Variants in CHST9 observed in about 807,000 individuals in gnomAD.
CHST9 encodes GalNAc-4-sulfotransferase 2.
In CHST9, 41 loss-of-function variants were observed where a neutral mutation model predicts 44.4. The observed-to-expected ratio is 0.92, with a 90% CI of 0.72 to 1.20. The LOEUF (loss-of-function observed/expected upper bound fraction) is 1.20. CHST9 is among the 50% of genes most tolerant of loss of function. The pLI is 0.00. For synonymous variants in CHST9, 171 were observed against 178.4 expected, an observed-to-expected ratio of 0.96 and a Z score of 0.33; for missense variants, 504 against 516.5, an observed-to-expected ratio of 0.98 and a Z score of 0.23.
At chr18:26,965,611 G>A (rs572045551) in intron 4 of CHST9, among the ~76,000 whole-genome samples, 3 of 152,292 alleles carry the variant, frequency 2.0e-5, no homozygotes, top group South Asian at 2.1e-4. Context: ...GCAAATCAGA[G>A]AGATGTGATA....
At chr18:27,029,673 C>T (rs77809570) in intron 3 of CHST9, among the ~76,000 whole-genome samples, 1 of 152,112 alleles carries the variant, frequency 6.6e-6, no homozygotes, top group African/African-American at 2.4e-5. Flanking sequence ...TTTATAACAC[C>T]TAATACAATA....
chr18:27,181,890 C>A (rs2058915285), intron 1 of CHST9, among the ~76,000 whole-genome samples: 1 of 152,170 alleles, frequency 6.6e-6, no homozygotes, highest in Non-Finnish European at 1.5e-5. Context: ...CTTCTGCCAC[C>A]CAGCTCATTT....
chr18:27,052,140 G>A (rs775869185), intron 2 of CHST9, among the ~76,000 whole-genome samples: 13 of 151,990 alleles, frequency 8.6e-5, no homozygotes, highest in Non-Finnish European at 1.8e-4. Flanking sequence ...TTTGTAAATT[G>A]TAGAGTGCTA....
chr18:27,084,458 G>GTTTTTTTT, intron 2 of CHST9, among the ~76,000 whole-genome samples: 1 of 143,550 alleles, frequency 7.0e-6, no homozygotes, highest in Non-Finnish European at 1.5e-5. Context: ...CACTCGCTGG[G>GTTTTTTTT]TTTTTTTTTT....
chr18:27,017,048 C>T (rs529011764), intron 4 of CHST9, among the ~76,000 whole-genome samples: 1 of 152,278 alleles, frequency 6.6e-6, no homozygotes, highest in Admixed American at 6.5e-5. Flanking sequence ...ATACATGGGA[C>T]ATTCAAACCT....
At chr18:27,142,974 A>G (rs145810763) in intron 1 of CHST9, 69 bp from the exon 2 acceptor site, 1 of 578,184 alleles carries the variant, frequency 1.7e-6, no homozygotes, top group East Asian at 3.1e-5. Context: ...CGGCATAAAT[A>G]TTCACTATCT....
At chr18:27,105,195 ACTTTT>A (rs1277700377) in intron 2 of CHST9, among the ~76,000 whole-genome samples, 8 of 152,094 alleles carry the variant, frequency 5.3e-5, no homozygotes, top group Admixed American at 2.0e-4. Context: ...ATGGCCTTTC[ACTTTT>A]CTTTACTCAT....
chr18:26,977,844 G>A (rs552372876), intron 4 of CHST9, among the ~76,000 whole-genome samples: 191 of 152,108 alleles, frequency 1.3e-3, no homozygotes, highest in African/African-American at 4.4e-3. Flanking sequence ...TGTCCAACAT[G>A]TCATTAGAGA....
At chr18:26,983,058 C>A (rs1411092573) in intron 4 of CHST9, among the ~76,000 whole-genome samples, 1 of 152,064 alleles carries the variant, frequency 6.6e-6, no homozygotes, top group African/African-American at 2.4e-5. Flanking sequence ...TAAATATTAG[C>A]CGGGCTAAGA....
At chr18:26,948,460 A>G (rs796826272) in intron 4 of CHST9, among the ~76,000 whole-genome samples, 2 of 152,318 alleles carry the variant, frequency 1.3e-5, no homozygotes, top group African/African-American at 4.8e-5. Flanking sequence ...CAACTGAAAC[A>G]CTGACTCCTC....
intron 2 of CHST9, among the ~76,000 whole-genome samples, chr18:27,076,754 T>C (rs974342059): frequency 1.1e-4 from 16 of 152,170 alleles, no homozygotes; most frequent in Non-Finnish European, 1.9e-4. Context: ...TATGCATCTC[T>C]CCTCATCCAC....
chr18:27,060,211 G>T (rs998805227), intron 2 of CHST9, among the ~76,000 whole-genome samples: 2 of 152,198 alleles, frequency 1.3e-5, no homozygotes, highest in African/African-American at 2.4e-5. Context: ...CAAGGTTCAG[G>T]GAGGGGCCCT....
chr18:27,049,286 G>C (rs1420452584), intron 2 of CHST9, among the ~76,000 whole-genome samples: 1 of 152,044 alleles, frequency 6.6e-6, no homozygotes, highest in Non-Finnish European at 1.5e-5. Flanking sequence ...TGCCAGGAAG[G>C]AGAAGAAGTC....
At chr18:27,002,780 C>G (rs986769065) in intron 4 of CHST9, among the ~76,000 whole-genome samples, 2 of 152,240 alleles carry the variant, frequency 1.3e-5, no homozygotes, top group South Asian at 4.2e-4. Flanking sequence ...AGCAAATATT[C>G]TATCTTCCTA....
At chr18:27,130,968 G>A (rs1010311295) in intron 2 of CHST9, among the ~76,000 whole-genome samples, 1 of 152,056 alleles carries the variant, frequency 6.6e-6, no homozygotes, top group African/African-American at 2.4e-5. Context: ...ATTTAGGATG[G>A]GGTTACCTCA....
intron 3 of CHST9, among the ~76,000 whole-genome samples, chr18:27,039,896 A>C (rs2057426670): frequency 6.6e-6 from 1 of 152,148 alleles, no homozygotes; most frequent in Non-Finnish European, 1.5e-5. Context: ...AGAGAAAACA[A>C]GATAAAAGTT....
At chr18:27,076,898 C>G (rs754671477) in intron 2 of CHST9, among the ~76,000 whole-genome samples, 1 of 152,166 alleles carries the variant, frequency 6.6e-6, no homozygotes, top group Non-Finnish European at 1.5e-5. Context: ...AATAATCAAT[C>G]ATTTAACCAC....
rs890155256 is a variant in CHST9 at position 26,909,378 on chromosome 18, A to C, written c.*6881T>G. On this transcript the variant is annotated 3_prime_UTR_variant, in exon 6 of 6. Transcript: ENST00000618847. ...GGAAATTTTCAGGTGGTTTTCATAG[A>C]GATTCCAATTCTGTGTATCTTGGAT... The C allele has an allele frequency of 1.3e-5, 2 of 152,232 alleles. No homozygotes were observed. The highest frequency in any genetic ancestry group is 2.4e-5 in the African/African-American group (1 of 41,456). The allele number at this position is 152,232 out of a possible 1,614,324, so 9.4% of individuals were successfully genotyped here.
At chr18:26,917,489 G>C (rs2055558993) in intron 5 of CHST9, 139 bp from the exon 6 acceptor site, 3 of 969,100 alleles carry the variant, frequency 3.1e-6, no homozygotes, top group Non-Finnish European at 4.6e-6. Flanking sequence ...ATTTAGCAAG[G>C]CATGCTGAAC....
Sources: allele counts gnomAD v4.1 joint callset (sites outside exome capture counted in the v4.1 genomes callset), GRCh38; gene constraint gnomAD v4.1.1; transcripts MANE v1.5; gene names NCBI Gene and HGNC (gene_info 2026-07-23, HGNC 2026-07-21).